The following ARRB1 variants were observed in gnomAD, a reference collection of about 807,000 sequenced individuals.
ARRB1 encodes the protein beta-arrestin-1.
A neutral mutation model predicts 56.8 loss-of-function variants in ARRB1; 21 were observed. That is an observed-to-expected ratio of 0.37 (90% CI 0.26 to 0.53). The LOEUF (loss-of-function observed/expected upper bound fraction) is 0.53, where lower values mean the gene tolerates loss of function less well. Ranked by LOEUF, ARRB1 falls within the 20% of genes least tolerant of loss-of-function variation. The probability of loss-of-function intolerance (pLI) is 0.88; values close to 1 mark genes in which losing one functional copy is unlikely to be tolerated. For synonymous variants in ARRB1, 210 were observed against 218.6 expected (o/e 0.96, Z 0.35); for missense variants, 424 against 553.7 (o/e 0.77, Z 2.35).
intron 1 of ARRB1, among the ~76,000 whole-genome samples, chr11:75,328,987 CA>C (rs1947479972): frequency 6.6e-6 from 1 of 152,038 alleles, no homozygotes; most frequent in South Asian, 2.1e-4. Flanking sequence ...GAGAGTGGGG[CA>C]GCCAGTAAGG....
At chr11:75,319,552 AG>A (rs1463409733) in intron 1 of ARRB1, among the ~76,000 whole-genome samples, 1 of 152,174 alleles carries the variant, frequency 6.6e-6, no homozygotes, top group Non-Finnish European at 1.5e-5. Context: ...GTGTTCCCTC[AG>A]CACCTTGTCC....
intron 1 of ARRB1, among the ~76,000 whole-genome samples, chr11:75,332,977 A>G (rs1343148666): frequency 6.6e-6 from 1 of 152,046 alleles, no homozygotes. Flanking sequence ...TCTGAACCAA[A>G]CCAATGTATT....
chr11:75,296,478 C>T (rs1178937684), intron 1 of ARRB1, among the ~76,000 whole-genome samples: 1 of 152,110 alleles, frequency 6.6e-6, no homozygotes, highest in East Asian at 1.9e-4. Flanking sequence ...TCATTCCCCA[C>T]CTGCAGCATA....
intron 11 of ARRB1, among the ~76,000 whole-genome samples, chr11:75,273,273 C>T (rs536627489): frequency 5.3e-5 from 8 of 152,328 alleles, no homozygotes; most frequent in Non-Finnish European, 1.2e-4. Context: ...TCCTCCTCCC[C>T]TCAGATGGAT....
At chr11:75,345,803 G>T (rs1165166687) in intron 1 of ARRB1, among the ~76,000 whole-genome samples, 1 of 152,126 alleles carries the variant, frequency 6.6e-6, no homozygotes, top group African/African-American at 2.4e-5. Flanking sequence ...ATTCACTAAT[G>T]GGAAAGGCCT....
At chr11:75,278,819 A>G (rs1260650941) in intron 7 of ARRB1, 75 bp from the exon 8 acceptor site, 3 of 1,531,862 alleles carry the variant, frequency 2.0e-6, no homozygotes, top group African/African-American at 1.4e-5. Context: ...GCCTCACATC[A>G]TTCTCCTGCT....
chr11:75,351,015 G>A (rs980518377), intron 1 of ARRB1, among the ~76,000 whole-genome samples: 1 of 152,218 alleles, frequency 6.6e-6, no homozygotes, highest in African/African-American at 2.4e-5. Context: ...GCCAGTGAGG[G>A]TGATGTGTGT....
chr11:75,325,909 C>A (rs534889), intron 1 of ARRB1, among the ~76,000 whole-genome samples: 2 of 151,962 alleles, frequency 1.3e-5, no homozygotes, highest in Non-Finnish European at 2.9e-5. Flanking sequence ...AGCAAAAGCC[C>A]CAGGCCCAAC....
At chr11:75,271,987 T>C (rs1946083142) in intron 12 of ARRB1, among the ~76,000 whole-genome samples, 2 of 152,070 alleles carry the variant, frequency 1.3e-5, no homozygotes, top group South Asian at 4.2e-4. Flanking sequence ...CAAGGCAGTG[T>C]AAAAATTAAC....
At chr11:75,312,781 G>C (rs915830076) in intron 1 of ARRB1, among the ~76,000 whole-genome samples, 1 of 152,310 alleles carries the variant, frequency 6.6e-6, no homozygotes, top group African/African-American at 2.4e-5. Flanking sequence ...TACACTGCTG[G>C]CTTCAAAGCT....
At chr11:75,311,676 CA>C (rs1296255831) in intron 1 of ARRB1, among the ~76,000 whole-genome samples, 5 of 152,054 alleles carry the variant, frequency 3.3e-5, no homozygotes, top group African/African-American at 9.7e-5. Flanking sequence ...CACAGGCAAA[CA>C]AAAAAAGTAA....
intron 1 of ARRB1, among the ~76,000 whole-genome samples, chr11:75,342,819 G>A (rs918389989): frequency 3.4e-4 from 52 of 152,176 alleles, no homozygotes; most frequent in African/African-American, 1.2e-3. Context: ...GCCCTGAGGC[G>A]GGAATGAGCC....
chr11:75,332,426 C>T (rs1353020411), intron 1 of ARRB1, among the ~76,000 whole-genome samples: 1 of 152,178 alleles, frequency 6.6e-6, no homozygotes, highest in Admixed American at 6.5e-5. Flanking sequence ...AGTCTAGCAC[C>T]TTTTAAAGGT....
intron 5 of ARRB1, 69 bp from the exon 6 acceptor site, chr11:75,282,090 CAG>C: frequency 6.5e-7 from 1 of 1,540,970 alleles, no homozygotes; most frequent in Non-Finnish European, 9.0e-7. Flanking sequence ...TATTGCAGCC[CAG>C]ACACTCCCAT....
chr11:75,300,967 CAAAA>C (rs149559322), intron 1 of ARRB1, among the ~76,000 whole-genome samples: 1 of 76,742 alleles, frequency 1.3e-5, no homozygotes. Context: ...GACTCCGTCT[CAAAA>C]AAAAAAAAAA....
chr11:75,327,541 G>A (rs544441054), intron 1 of ARRB1, among the ~76,000 whole-genome samples: 1 of 151,722 alleles, frequency 6.6e-6, no homozygotes, highest in East Asian at 1.9e-4. Context: ...CAAGACAGGA[G>A]GATCACTTGA....
At chr11:75,288,022 G>A (rs537265657) in intron 2 of ARRB1, among the ~76,000 whole-genome samples, 8 of 151,870 alleles carry the variant, frequency 5.3e-5, no homozygotes, top group East Asian at 1.9e-4. Context: ...ACCACCACAC[G>A]CAGCTAATTT....
intron 1 of ARRB1, among the ~76,000 whole-genome samples, chr11:75,307,047 C>T (rs928911811): frequency 1.3e-5 from 2 of 152,134 alleles, no homozygotes; most frequent in African/African-American, 2.4e-5. Context: ...TCAGAGGATC[C>T]CATACAGACA....
intron 1 of ARRB1, among the ~76,000 whole-genome samples, chr11:75,331,611 G>A (rs781535536): frequency 1.3e-5 from 2 of 149,324 alleles, no homozygotes; most frequent in African/African-American, 5.0e-5. Flanking sequence ...CTGCCCGCCA[G>A]AGAACAACCC....
Sources: gnomAD v4.1 joint callset for allele counts (sites outside exome capture counted in the v4.1 genomes callset) on GRCh38, gnomAD v4.1.1 for gene constraint, MANE v1.5 for transcripts, NCBI Gene and HGNC (gene_info 2026-07-23, HGNC 2026-07-21) for gene names.